ZNF43: variants seen among roughly 807,000 people sequenced by gnomAD.
The protein encoded by ZNF43 is zinc finger protein 43.
Under a neutral mutation model 68.4 loss-of-function variants are expected in ZNF43, and 44 were observed. The observed-to-expected ratio is 0.64, with a 90% CI of 0.51 to 0.83. The LOEUF (loss-of-function observed/expected upper bound fraction) is 0.83. ZNF43 is among the 40% of genes least tolerant of loss of function. ZNF43 has a pLI of 0.00. For missense variants in ZNF43, 896 were observed against 933.2 expected, an observed-to-expected ratio of 0.96 and a Z score of 0.52; for synonymous variants, 308 against 307.8, an observed-to-expected ratio of 1.00 and a Z score of -0.01.
chr19:21,849,786 G>A (rs1344339707), intron 1 of ZNF43: 1 of 151,944 alleles, frequency 6.6e-6, no homozygotes, highest in Non-Finnish European at 1.5e-5. Context: ...ACAAGAAAGA[G>A]ACCCAGGATA....
In ZNF43 at chr19:21,809,594, A is replaced by G. The variant is rs761526362; in HGVS notation, c.443T>C (p.Phe148Ser). The G allele has an allele frequency of 1.9e-6, 3 of 1,612,090 alleles. No homozygotes were observed. The highest frequency in any genetic ancestry group is 1.7e-4 in the Middle Eastern group (1 of 6,042). The change falls in exon 4 of 4, where the codon TTT becomes TCT. Residue 148 changes from phenylalanine to serine, a missense_variant. By Grantham distance (155) the Phe-to-Ser change is radical. Transcript: ENST00000354959. Reference protein sequence around the residue: ...LPATQSKIFLFDKCVKAFHKF... With the variant: ...LPATQSKIFLSDKCVKAFHKF... Reference sequence around the variant, plus strand: ...ATGAAAGGCTTTCACACATTTATCAAATAGAAATATTTTGCTCTGGGTAGC... The same window carrying G: ...ATGAAAGGCTTTCACACATTTATCAGATAGAAATATTTTGCTCTGGGTAGC...
chr19:21,849,405 T>C (rs1487499502), intron 1 of ZNF43, among the ~76,000 whole-genome samples: 2 of 148,400 alleles, frequency 1.3e-5, no homozygotes, highest in Non-Finnish European at 3.0e-5. Context: ...GGAGAATCGC[T>C]TGAACCCAGG....
upstream of ZNF43, chr19:21,836,355 G>A (rs74762678): frequency 1.0e-6 from 1 of 955,166 alleles, no homozygotes; most frequent in African/African-American, 1.7e-5. Context: ...TGACAGCCTA[G>A]GCTGCCGCCT....
chr19:21,844,805 G>A (rs1967791740), intron 1 of ZNF43, among the ~76,000 whole-genome samples: 2 of 148,088 alleles, frequency 1.4e-5, no homozygotes, highest in South Asian at 4.3e-4. Context: ...GCTGAGGCAG[G>A]AGAATGGCAT....
At chr19:21,839,141 C>T (rs1181428070), upstream of ZNF43, among the ~76,000 whole-genome samples, 1 of 151,490 alleles carries the variant, frequency 6.6e-6, no homozygotes, top group Admixed American at 6.6e-5. Flanking sequence ...GTGCTGGGTC[C>T]AGTGATATTT....
intron 1 of ZNF43, among the ~76,000 whole-genome samples, chr19:21,822,769 C>G (rs2145247086): frequency 6.6e-6 from 1 of 151,888 alleles, no homozygotes; most frequent in East Asian, 1.9e-4. Context: ...CGCGCCACTG[C>G]ACTCCAGCCT....
At chr19:21,846,863 CA>C (rs1165333014) in intron 1 of ZNF43, among the ~76,000 whole-genome samples, 3 of 152,152 alleles carry the variant, frequency 2.0e-5, no homozygotes, top group Non-Finnish European at 4.4e-5. Flanking sequence ...CTGTTGGACC[CA>C]GCAATATGTC....
intron 3 of ZNF43, among the ~76,000 whole-genome samples, chr19:21,811,022 A>G (rs535315355): frequency 1.2e-4 from 18 of 152,302 alleles, no homozygotes; most frequent in Middle Eastern, 3.4e-3. Context: ...AAAATTGCAT[A>G]AAACTAGGAA....
chr19:21,826,175 AC>A (rs768012440), intron 1 of ZNF43, among the ~76,000 whole-genome samples: 14 of 152,350 alleles, frequency 9.2e-5, no homozygotes, highest in Non-Finnish European at 1.9e-4. Context: ...AGGCAAAAAA[AC>A]AATTCCACCT....
chr19:21,849,267 T>C (rs1030844777), intron 1 of ZNF43, among the ~76,000 whole-genome samples: 1 of 152,096 alleles, frequency 6.6e-6, no homozygotes, highest in African/African-American at 2.4e-5. Flanking sequence ...GGCGGGTGGA[T>C]AACCTGAGGT....
upstream of ZNF43, chr19:21,840,170 G>C (rs1361517695): frequency 1.3e-5 from 2 of 152,190 alleles, no homozygotes; most frequent in Non-Finnish European, 2.9e-5. Flanking sequence ...CACATAACCA[G>C]GGTGTGGGGT....
chr19:21,819,670 T>A (rs1240212556), intron 1 of ZNF43, among the ~76,000 whole-genome samples: 4 of 152,130 alleles, frequency 2.6e-5, no homozygotes, highest in Non-Finnish European at 4.4e-5. Context: ...AAAGTCTGAG[T>A]TTCTAAGTTT....
In ZNF43 at chr19:21,808,732, A is replaced by G; in HGVS notation, c.1305T>C (p.Phe435=). The G allele has an allele frequency of 6.2e-7, 1 of 1,612,600 alleles. No individual in the cohort carries two copies. The highest frequency in any genetic ancestry group is 1.1e-5 in the South Asian group (1 of 91,036). Residue 435 remains phenylalanine, a synonymous_variant, in exon 4 of 4, where the codon TTT becomes TTC. Transcript: ENST00000354959. ...PYKCEECGKA[F]NWPSTLTKHN... The stretch of plus-strand genomic sequence containing the variant: ...GTTTAGTAAGGGTTGAGGGCCAGTT[A>G]AAGGCTTTGCCACATTCTTCACATT...
At chr19:21,845,611 G>A (rs990695798) in intron 1 of ZNF43, 6 of 152,180 alleles carry the variant, frequency 3.9e-5, no homozygotes, top group African/African-American at 1.4e-4. Flanking sequence ...ATGTATGCAG[G>A]GGCCAGGCGC....
chr19:21,844,894 C>A, intron 1 of ZNF43, among the ~76,000 whole-genome samples: 3 of 25,352 alleles, frequency 1.2e-4, no homozygotes, highest in South Asian at 3.3e-3. Context: ...AAGATTCCGT[C>A]TCAAAAAAAA....
chr19:21,808,149 C>T lies in ZNF43; in HGVS notation c.1888G>A (p.Ala630Thr). The change falls in exon 4 of 4, where the codon GCT becomes ACT. Residue 630 changes from alanine to threonine, a missense_variant. By Grantham distance (58) the Ala-to-Thr change is moderately conservative. Transcript: ENST00000354959. ...GTAAGAGTTGAGAACTGGTTAAAAG[C>T]TTTGCCACATTCTTCACATTTGTAG... is the stretch of plus-strand genomic sequence containing the variant. ...KPYKCEECGK[A>T]FNQFSTLTKH... 6.2e-7 allele frequency: 1 copy of T among 1,613,102 alleles called. No homozygotes were observed. Among genetic ancestry groups the T allele is most frequent in the East Asian group, 2.2e-5 (1 of 44,800 alleles).
At chr19:21,819,349 G>T in intron 1 of ZNF43, 128 bp from the exon 2 acceptor site, 1 of 1,003,810 alleles carries the variant, frequency 1.0e-6, no homozygotes, top group Non-Finnish European at 1.4e-6. Context: ...AGAAGAGACT[G>T]AAATTATCCA....
chr19:21,817,958 G>A lies in ZNF43; in HGVS notation c.159C>T (p.Ile53=). ...GCTCTTTTTCTTGCTCCAGACAGGT[G>A]ATCAGGTCTGGCTTAGAGACAGCAA... ...LGIAVSKPDL[I]TCLEQEKEPW... is the part of the protein sequence containing the mutation. Residue 53 remains isoleucine, a synonymous_variant, in exon 3 of 4, where the codon ATC becomes ATT. Transcript: ENST00000354959. 6.2e-7 allele frequency: 1 copy of A among 1,613,428 alleles called. No individual in the cohort carries two copies. Among genetic ancestry groups the A allele is most frequent in the Non-Finnish European group, 8.5e-7 (1 of 1,179,562 alleles).
At chr19:21,846,229 G>A (rs995790633) in intron 1 of ZNF43, among the ~76,000 whole-genome samples, 5 of 151,794 alleles carry the variant, frequency 3.3e-5, no homozygotes, top group Admixed American at 2.0e-4. Flanking sequence ...GAGTCACATC[G>A]CATGGGTGCT....
Sources: allele counts gnomAD v4.1 joint callset (sites outside exome capture counted in the v4.1 genomes callset), GRCh38; gene constraint gnomAD v4.1.1; transcripts MANE v1.5; gene names NCBI Gene and HGNC (gene_info 2026-07-23, HGNC 2026-07-21).